Variants in DNAI2 observed in about 807,000 individuals in gnomAD.
The protein encoded by DNAI2 is dynein, axonemal, intermediate polypeptide 2.
DNAI2 carries 63 observed loss-of-function variants against 74.7 expected under a neutral mutation model. The observed-to-expected ratio is 0.84, with a 90% CI of 0.69 to 1.04. The LOEUF is 1.04. Among genes scored for constraint, DNAI2 ranks in the 50% least tolerant of loss-of-function variants. The pLI, the probability that DNAI2 is intolerant of heterozygous loss-of-function variation, is 0.00. For missense variants in DNAI2, 688 were observed against 803.2 expected, an observed-to-expected ratio of 0.86 and a Z score of 1.73; for synonymous variants, 289 against 314.9, an observed-to-expected ratio of 0.92 and a Z score of 0.87.
chr17:74,307,333 C>T (rs764071733), intron 9 of DNAI2: 4 of 455,796 alleles, frequency 8.8e-6, no homozygotes, highest in South Asian at 6.2e-5. Flanking sequence ...CTCCCTTGTC[C>T]TCCTCCTGCA....
chr17:74,300,674 T>C lies in DNAI2; in HGVS notation c.865-372T>C, dbSNP rs2052708292. Among the ~76,000 whole-genome samples the C allele has an allele frequency of 1.3e-5, 2 of 152,220 alleles. No homozygotes were observed. Among genetic ancestry groups the C allele is most frequent in the Non-Finnish European group, 2.9e-5 (2 of 68,044 alleles). On this transcript the variant is annotated intron_variant, in intron 7 of 13. Coordinates refer to ENST00000311014, the MANE Select transcript of DNAI2 (RefSeq NM_023036.6). The surrounding 1 kb of genome is among the most constrained non-coding windows in gnomAD (Gnocchi z 4.5). Reference sequence around the variant, plus strand: ...GCGGGGATATATCTACAGCAGACATTGCTGGCAGTGGGACTTCTAGGTCGG... The same window carrying C: ...GCGGGGATATATCTACAGCAGACATCGCTGGCAGTGGGACTTCTAGGTCGG...
At chr17:74,304,359 C>G (rs546901509) in intron 8 of DNAI2, among the ~76,000 whole-genome samples, 1 of 151,798 alleles carries the variant, frequency 6.6e-6, no homozygotes, top group Non-Finnish European at 1.5e-5. Flanking sequence ...AGGCCCTCCC[C>G]TCAGTGTGCC....
intron 6 of DNAI2, among the ~76,000 whole-genome samples, chr17:74,299,470 A>G (rs1598312368): frequency 6.6e-6 from 1 of 152,054 alleles, no homozygotes; most frequent in Non-Finnish European, 1.5e-5. Context: ...CCCAGGGCCA[A>G]GTGTTGGGTA....
At chr17:74,278,919 G>C (rs1018650247) in intron 1 of DNAI2, among the ~76,000 whole-genome samples, 17 of 152,234 alleles carry the variant, frequency 1.1e-4, no homozygotes, top group Middle Eastern at 3.2e-3. Context: ...TGTAATCCCA[G>C]CATTTTGGGA....
chr17:74,280,329 C>T (rs2051320929), intron 1 of DNAI2, among the ~76,000 whole-genome samples: 1 of 152,206 alleles, frequency 6.6e-6, no homozygotes, highest in African/African-American at 2.4e-5. Flanking sequence ...TGTCAGGTCT[C>T]AGAAAGACTA....
chr17:74,293,589 A>G (rs973267905), intron 6 of DNAI2, among the ~76,000 whole-genome samples: 1 of 151,758 alleles, frequency 6.6e-6, no homozygotes. Flanking sequence ...CTGTAATCCC[A>G]GCTACTTGGG....
At chr17:74,301,758 TG>T (rs1362724299) in intron 8 of DNAI2, among the ~76,000 whole-genome samples, 1 of 139,208 alleles carries the variant, frequency 7.2e-6, no homozygotes, top group African/African-American at 2.7e-5. Context: ...AAGACCAGCC[TG>T]GGTACATAAT....
chr17:74,289,812 G>A, intron 5 of DNAI2, 76 bp downstream of exon 5: 1 of 1,595,296 alleles, frequency 6.3e-7, no homozygotes, highest in South Asian at 1.1e-5. Context: ...GCGGGAGGGA[G>A]GGGCAGGAGG....
In DNAI2 at chr17:74,285,156, G is replaced by C. The variant is rs376247013; in HGVS notation, c.300G>C (p.Val100=). Reference sequence around the variant, plus strand: ...AGACCATCCGTTTCCGGAAGAAAGTGGAGAAAGATGAGAACTACGTTAACG... The same window carrying C: ...AGACCATCCGTTTCCGGAAGAAAGTCGAGAAAGATGAGAACTACGTTAACG... ...LEQTIRFRKK[V]EKDENYVNAI... is the part of the protein sequence containing the mutation. Residue 100 remains valine (V), a synonymous_variant, in exon 3 of 14, where the codon GTG becomes GTC. Transcript: ENST00000311014. 6.2e-7 allele frequency: 1 copy of C among 1,614,240 alleles called. No homozygotes were observed. The highest frequency in any genetic ancestry group is 1.1e-5 in the South Asian group (1 of 91,088).
At chr17:74,293,509 C>G (rs1215469386) in intron 6 of DNAI2, among the ~76,000 whole-genome samples, 1 of 151,810 alleles carries the variant, frequency 6.6e-6, no homozygotes, top group Non-Finnish European at 1.5e-5. Flanking sequence ...TTTCCCCATC[C>G]TTTTACTTTT....
At position 74,281,925 on chromosome 17, in the gene DNAI2, G is replaced by C; in HGVS notation, c.108G>C (p.Glu36Asp). 1 of 1,614,176 alleles carries C rather than the reference G, an allele frequency of 6.2e-7. No individual in the cohort carries two copies. The highest frequency in any genetic ancestry group is 8.5e-7 in the Non-Finnish European group (1 of 1,180,038). Reference sequence around the variant, plus strand: ...ACATCGACATCATGCCCAACCCTGAGCTGGCCGAGCAGTTCGTGGAGCGGA... The same window carrying C: ...ACATCGACATCATGCCCAACCCTGACCTGGCCGAGCAGTTCGTGGAGCGGA... ...ELNIDIMPNP[E>D]LAEQFVERNP... Residue 36 changes from glutamate to aspartate, a missense_variant, in exon 2 of 14, where the codon GAG becomes GAC. Physicochemically the swap from Glu to Asp is conservative, Grantham distance 45. Coordinates refer to ENST00000311014, the MANE Select transcript of DNAI2 (RefSeq NM_023036.6).
chr17:74,289,250 G>T (rs2051932757), intron 4 of DNAI2, among the ~76,000 whole-genome samples: 1 of 152,202 alleles, frequency 6.6e-6, no homozygotes, highest in South Asian at 2.1e-4. Context: ...CGAGGGGCCG[G>T]GCACTGTGGC....
At chr17:74,309,569 G>A (rs1598341084) in intron 10 of DNAI2, 181 bp downstream of exon 10, 1 of 848,554 alleles carries the variant, frequency 1.2e-6, no homozygotes, top group African/African-American at 1.6e-5. Flanking sequence ...CTCCTACAAA[G>A]GTTAAGGGGC....
In DNAI2 at chr17:74,314,282, G is replaced by A. The variant is rs566376239; in HGVS notation, c.*55+11G>A. The A allele has an allele frequency of 7.0e-5, 113 of 1,608,148 alleles. No homozygotes were observed. The Admixed American group carries it at 1.2e-3, about 17-fold the overall frequency. On this transcript the variant is annotated intron_variant, in intron 13 of 13. Transcript: ENST00000311014. Reference sequence around the variant, plus strand: ...CTTTCCCACCTCTTGGTATTGCCCCGCTCTCACAAGTGGGAGGCTGAGCTC... The same window carrying A: ...CTTTCCCACCTCTTGGTATTGCCCCACTCTCACAAGTGGGAGGCTGAGCTC...
At chr17:74,309,600 G>A (rs2053395042) in intron 10 of DNAI2, 4 of 742,982 alleles carry the variant, frequency 5.4e-6, no homozygotes, top group African/African-American at 1.7e-5. Context: ...TGGCATCCTG[G>A]TAGCACAACA....
chr17:74,281,757 G>T (rs746771364), intron 1 of DNAI2, 50 bp from the exon 2 acceptor site: 4 of 1,593,358 alleles, frequency 2.5e-6, no homozygotes, highest in Admixed American at 1.7e-5. Context: ...GTGGAGATAG[G>T]GAAGGGGCCG....
chr17:74,313,157 G>A (rs1021049647), intron 12 of DNAI2, among the ~76,000 whole-genome samples: 7 of 152,208 alleles, frequency 4.6e-5, no homozygotes, highest in African/African-American at 9.6e-5. Flanking sequence ...CACCCATGAC[G>A]CCTGCTTGAA....
At chr17:74,277,484 G>GGGGT (rs2051161613) in intron 1 of DNAI2, among the ~76,000 whole-genome samples, 2 of 152,210 alleles carry the variant, frequency 1.3e-5, no homozygotes, top group South Asian at 4.1e-4. Flanking sequence ...GGAGTGGGAT[G>GGGGT]GGGTGGTACT....
At chr17:74,301,904 AAGG>A (rs1567865017) in intron 8 of DNAI2, among the ~76,000 whole-genome samples, 6 of 34,870 alleles carry the variant, frequency 1.7e-4, no homozygotes, top group Middle Eastern at 8.6e-3. Context: ...GGAAGGAAGG[AAGG>A]AAAGAAGGAA....
Sources: allele counts gnomAD v4.1 joint callset (sites outside exome capture counted in the v4.1 genomes callset), GRCh38; gene constraint gnomAD v4.1.1; non-coding constraint Gnocchi (gnomAD v3.1); transcripts MANE v1.5; gene names NCBI Gene and HGNC (gene_info 2026-07-23, HGNC 2026-07-21).